Variants in PBX1 observed in about 807,000 individuals in gnomAD.
PBX1 encodes the protein PBX homeobox 1, also known as pre-B-cell leukemia transcription factor 1.
Under a neutral mutation model 53.4 loss-of-function variants are expected in PBX1, and 6 were observed. That is an observed-to-expected ratio of 0.11 (90% CI 0.06 to 0.22). PBX1 has a LOEUF of 0.22. Among genes scored for constraint, PBX1 ranks in the 10% least tolerant of loss-of-function variants. The pLI is 1.00. For synonymous variants in PBX1, 204 were observed against 212.3 expected, an observed-to-expected ratio of 0.96 and a Z score of 0.34; for missense variants, 251 against 551.4, an observed-to-expected ratio of 0.46 and a Z score of 5.46.
intron 8 of PBX1, among the ~76,000 whole-genome samples, chr1:164,834,027 A>ATGTGTGTGTGTGTG (rs1289743111): frequency 1.5e-4 from 12 of 79,292 alleles, no homozygotes; most frequent in Non-Finnish European, 2.4e-4. Context: ...ATATATATGT[A>ATGTGTGTGTGTGTG]TATGTGTGTG....
intron 8 of PBX1, among the ~76,000 whole-genome samples, chr1:164,821,878 C>T (rs567456936): frequency 3.3e-5 from 5 of 152,212 alleles, no homozygotes; most frequent in East Asian, 1.9e-4. Context: ...ATGGCACCTG[C>T]GGCCACATGC....
intron 2 of PBX1, among the ~76,000 whole-genome samples, chr1:164,694,925 A>G (rs560701889): frequency 6.6e-6 from 1 of 152,256 alleles, no homozygotes; most frequent in South Asian, 2.1e-4. Flanking sequence ...CTCTGCCTGT[A>G]ATATCCTTAA....
At chr1:164,644,423 T>G (rs1177578380) in intron 2 of PBX1, among the ~76,000 whole-genome samples, 1 of 152,180 alleles carries the variant, frequency 6.6e-6, no homozygotes, top group Non-Finnish European at 1.5e-5. Flanking sequence ...TGTGTCAAAT[T>G]CTGCTCATCT....
chr1:164,711,010 A>G (rs910019982), intron 2 of PBX1, among the ~76,000 whole-genome samples: 2 of 152,194 alleles, frequency 1.3e-5, no homozygotes, highest in Non-Finnish European at 2.9e-5. Flanking sequence ...CTGCTGCTCA[A>G]TGCAGGGAGA....
At chr1:164,787,273 G>T (rs971699451) in intron 2 of PBX1, among the ~76,000 whole-genome samples, 1 of 152,146 alleles carries the variant, frequency 6.6e-6, no homozygotes, top group Non-Finnish European at 1.5e-5. Context: ...TCTGCTTTCT[G>T]TCTTGTTCTT....
intron 2 of PBX1, among the ~76,000 whole-genome samples, chr1:164,636,863 G>A (rs904742505): frequency 3.9e-5 from 6 of 152,232 alleles, no homozygotes; most frequent in Middle Eastern, 3.4e-3. Flanking sequence ...GGGGATGTGT[G>A]GTTTGTGTGT....
rs375145672 is a variant in PBX1 at position 164,599,071 on chromosome 1, ATT to A, written c.265+35776_265+35777del. On this transcript the variant is annotated intron_variant, in intron 2 of 8. Transcript: ENST00000420696. ...ATTTTCTGTCTCTTTTTTCCTCCTG[ATT>A]TTTTTTTTTTTTTTTGCAAAGAAGA... is the stretch of plus-strand genomic sequence containing the variant. 1.7e-4 allele frequency among the ~76,000 whole-genome samples: 20 copies of A among 118,832 alleles called. No individual in the cohort carries two copies. In the South Asian group the frequency reaches 3.1e-3, roughly 18 times the overall value. The allele number at this position is 118,832 out of a possible 152,430, so 78.0% of individuals were successfully genotyped here.
chr1:164,644,325 C>T (rs1478649538), intron 2 of PBX1, among the ~76,000 whole-genome samples: 2 of 152,108 alleles, frequency 1.3e-5, no homozygotes, highest in South Asian at 2.1e-4. Context: ...TAGTCTATAT[C>T]CAACTGTACA....
intron 2 of PBX1, among the ~76,000 whole-genome samples, chr1:164,699,745 G>C (rs148753835): frequency 6.6e-6 from 1 of 152,012 alleles, no homozygotes; most frequent in Admixed American, 6.6e-5. Flanking sequence ...TCTTCTTCTC[G>C]TTGCTCCCAC....
chr1:164,585,216 G>A (rs1446647480), intron 2 of PBX1, among the ~76,000 whole-genome samples: 2 of 152,166 alleles, frequency 1.3e-5, no homozygotes, highest in African/African-American at 4.8e-5. Flanking sequence ...CTGGGGAAGA[G>A]TGAAAGAAGA....
intron 2 of PBX1, among the ~76,000 whole-genome samples, chr1:164,750,269 T>C (rs1326104856): frequency 2.0e-5 from 3 of 151,998 alleles, no homozygotes; most frequent in Non-Finnish European, 1.5e-5. Flanking sequence ...TGTCTTTGTG[T>C]ATGTATGAAA....
intron 3 of PBX1, among the ~76,000 whole-genome samples, chr1:164,796,967 G>A (rs903370162): frequency 6.6e-6 from 1 of 152,152 alleles, no homozygotes; most frequent in Non-Finnish European, 1.5e-5. Context: ...TGAGGAGGAG[G>A]TATGGGTAGC....
At chr1:164,786,795 C>T (rs1013626471) in intron 2 of PBX1, among the ~76,000 whole-genome samples, 3 of 151,554 alleles carry the variant, frequency 2.0e-5, no homozygotes, top group African/African-American at 7.3e-5. Flanking sequence ...GGATTCAGAA[C>T]TCCAATATTG....
At chr1:164,636,973 G>C (rs998396840) in intron 2 of PBX1, among the ~76,000 whole-genome samples, 3 of 152,170 alleles carry the variant, frequency 2.0e-5, no homozygotes, top group African/African-American at 7.2e-5. Flanking sequence ...ATGGGGCTTA[G>C]TATAACTTTG....
intron 2 of PBX1, among the ~76,000 whole-genome samples, chr1:164,578,761 C>G (rs1654420957): frequency 6.6e-6 from 1 of 152,208 alleles, no homozygotes; most frequent in Admixed American, 6.5e-5. Flanking sequence ...CAGAAGCATG[C>G]TTTCTTTGAA....
chr1:164,656,376 A>G (rs998613297), intron 2 of PBX1, among the ~76,000 whole-genome samples: 7 of 152,222 alleles, frequency 4.6e-5, no homozygotes, highest in Non-Finnish European at 5.9e-5. Flanking sequence ...AGTACATCTC[A>G]TAGAAATTTT....
chr1:164,846,806 C>T lies in PBX1; in HGVS notation c.*130C>T. ...CAATCAGCAAACACAATAAGAGTCT[C>T]CTTCTCTTCTCTTCTTTGGGATGCT... On this transcript the variant is annotated 3_prime_UTR_variant, in exon 9 of 9. Coordinates refer to ENST00000420696, the MANE Select transcript of PBX1 (RefSeq NM_002585.4). 6.5e-7 allele frequency: 1 copy of T among 1,531,234 alleles called. No homozygotes were observed. 94.9% of individuals were successfully genotyped at this position (1,531,234 alleles called of 1,614,324 possible).
chr1:164,603,928 C>CTTTTTTTT lies in PBX1; in HGVS notation c.265+40617_265+40618insTTTTTTTT, dbSNP rs1557885817. Among the ~76,000 whole-genome samples, 11 of 48,730 alleles carry CTTTTTTTT rather than the reference C, an allele frequency of 2.3e-4. 1 individual carries two copies. The highest frequency in any genetic ancestry group is 2.2e-4 in the Non-Finnish European group (6 of 27,332). The allele number at this position is 48,730 out of a possible 152,430, so 32.0% of individuals were successfully genotyped here. ...AGACACTCTGTACATTATGTCATTT[C>CTTTTTTTT]ATTTTTTTTTTTTTTTTTTTTTTTT... On this transcript the variant is annotated intron_variant, in intron 2 of 8. Transcript: ENST00000420696.
At chr1:164,752,206 TTGTGTGTGTG>T (rs10629820) in intron 2 of PBX1, among the ~76,000 whole-genome samples, 40 of 143,120 alleles carry the variant, frequency 2.8e-4, no homozygotes, top group East Asian at 1.3e-3. Context: ...CTTTAAGGTT[TTGTGTGTGTG>T]TGTGTGTGTG....
Sources: allele counts gnomAD v4.1 joint callset (sites outside exome capture counted in the v4.1 genomes callset), GRCh38; gene constraint gnomAD v4.1.1; transcripts MANE v1.5; gene names NCBI Gene and HGNC (gene_info 2026-07-23, HGNC 2026-07-21).